Variants in BPIFC observed in about 807,000 individuals in gnomAD.
The protein encoded by BPIFC is BPI fold-containing family C protein.
In BPIFC, 60 loss-of-function variants were observed where a neutral mutation model predicts 57.6. The ratio of observed to expected loss-of-function variants is 1.04; its 90% CI spans 0.85 to 1.29. The LOEUF is 1.29. Among genes scored for constraint, BPIFC ranks in the 50% most tolerant of loss-of-function variants. The pLI is 0.00. For missense variants in BPIFC, 581 were observed against 600.5 expected (o/e 0.97, Z 0.34); for synonymous variants, 243 against 224.5 (o/e 1.08, Z -0.74).
At chr22:32,456,247 A>C (rs1237630770) in intron 3 of BPIFC, among the ~76,000 whole-genome samples, 1 of 152,202 alleles carries the variant, frequency 6.6e-6, no homozygotes. Context: ...ATACACATAC[A>C]TATATTCCTG....
chr22:32,451,031 C>T (rs2145958921), intron 4 of BPIFC, among the ~76,000 whole-genome samples: 1 of 152,248 alleles, frequency 6.6e-6, no homozygotes, highest in South Asian at 2.1e-4. Context: ...AATAAAAATG[C>T]ATTTCCTCAG....
intron 3 of BPIFC, among the ~76,000 whole-genome samples, chr22:32,453,913 T>C (rs1359342501): frequency 6.6e-6 from 1 of 151,262 alleles, no homozygotes; most frequent in Non-Finnish European, 1.5e-5. Flanking sequence ...AGATCCTGTC[T>C]CTACAAAAAC....
chr22:32,440,427 C>A (rs1934532157), intron 8 of BPIFC, among the ~76,000 whole-genome samples: 1 of 152,208 alleles, frequency 6.6e-6, no homozygotes, highest in South Asian at 2.1e-4. Context: ...CAGGAGTGAG[C>A]CACTGCGCCT....
At chr22:32,450,123 CACACACACACACACA>C (rs1317839266) in intron 4 of BPIFC, among the ~76,000 whole-genome samples, 5 of 86,708 alleles carry the variant, frequency 5.8e-5, no homozygotes, top group Non-Finnish European at 1.1e-4. Flanking sequence ...CACACACACA[CACACACACACACACA>C]CACATATATA....
chr22:32,429,313 T>C (rs556309977), intron 13 of BPIFC, among the ~76,000 whole-genome samples: 1 of 151,510 alleles, frequency 6.6e-6, no homozygotes, highest in East Asian at 2.0e-4. Flanking sequence ...TTCACGCCAT[T>C]GTCTTGCCTC....
intron 2 of BPIFC, among the ~76,000 whole-genome samples, chr22:32,459,531 C>T (rs1206293633): frequency 4.6e-5 from 7 of 151,926 alleles, no homozygotes; most frequent in East Asian, 1.9e-4. Flanking sequence ...GGTGTGGTGG[C>T]GGGCGCTTGT....
At chr22:32,448,766 C>T (rs1047990739) in intron 4 of BPIFC, among the ~76,000 whole-genome samples, 5 of 151,878 alleles carry the variant, frequency 3.3e-5, no homozygotes, top group African/African-American at 9.7e-5. Flanking sequence ...AGTGAAACCC[C>T]GTGTCTACTA....
chr22:32,417,061 C>G (rs368778265), intron 15 of BPIFC, 24 bp downstream of exon 15: 21 of 1,554,450 alleles, frequency 1.4e-5, no homozygotes, highest in Middle Eastern at 1.7e-4. Flanking sequence ...GTTACAGTCA[C>G]ATTGTTTTCC....
At chr22:32,448,029 G>T (rs951460964) in intron 4 of BPIFC, among the ~76,000 whole-genome samples, 2 of 151,602 alleles carry the variant, frequency 1.3e-5, no homozygotes. Flanking sequence ...CACGAAAGGG[G>T]TGATATTTGT....
intron 1 of BPIFC, among the ~76,000 whole-genome samples, chr22:32,462,453 T>C (rs1453914511): frequency 6.6e-6 from 1 of 152,088 alleles, no homozygotes; most frequent in Non-Finnish European, 1.5e-5. Flanking sequence ...TCATATATAA[T>C]ATAGAGCTCT....
intron 4 of BPIFC, among the ~76,000 whole-genome samples, chr22:32,450,271 T>TGCA (rs1934859468): frequency 6.6e-6 from 1 of 152,222 alleles, no homozygotes; most frequent in Non-Finnish European, 1.5e-5. Flanking sequence ...CAGTATTCAG[T>TGCA]GCAGTCTCAT....
At chr22:32,443,162 CTTTT>C (rs57447537) in intron 7 of BPIFC, among the ~76,000 whole-genome samples, 3 of 133,852 alleles carry the variant, frequency 2.2e-5, no homozygotes, top group Non-Finnish European at 1.6e-5. Context: ...AGAGCTGGAG[CTTTT>C]TTTTTTTTTT....
chr22:32,452,480 C>G (rs915985900), intron 4 of BPIFC, among the ~76,000 whole-genome samples: 1 of 150,032 alleles, frequency 6.7e-6, no homozygotes, highest in African/African-American at 2.5e-5. Flanking sequence ...ACTAAAAATA[C>G]AAAAAAAAAT....
intron 13 of BPIFC, among the ~76,000 whole-genome samples, chr22:32,430,729 C>T (rs1934216382): frequency 6.6e-6 from 1 of 151,808 alleles, no homozygotes; most frequent in Non-Finnish European, 1.5e-5. Flanking sequence ...TAATCTCAAA[C>T]TCCTGGGCTC....
At chr22:32,415,793 T>A (rs553774676) in intron 16 of BPIFC, 122 bp downstream of exon 16, 3 of 612,838 alleles carry the variant, frequency 4.9e-6, no homozygotes, top group South Asian at 4.9e-5. Context: ...GATTCCCTGG[T>A]CTGGGAAAAA....
rs376917264 is a variant in BPIFC, at chr22:32,441,932, A to G, written c.655+739T>C. 5.4e-4 allele frequency among the ~76,000 whole-genome samples: 83 copies of G among 152,302 alleles called. 1 individual carries two copies. The highest frequency in any genetic ancestry group is 1.9e-3 in the African/African-American group (80 of 41,562). ...CATGCAACCTAGATCCCTCGCATGCACGGTTCACAATAGGGTTCGCACTCC... is the reference window on the plus strand; with the variant it reads ...CATGCAACCTAGATCCCTCGCATGCGCGGTTCACAATAGGGTTCGCACTCC... On this transcript the variant is annotated intron_variant, in intron 8 of 16. Transcript: ENST00000300399.
At chr22:32,419,803 C>T (rs1418296175) in intron 13 of BPIFC, among the ~76,000 whole-genome samples, 1 of 102,380 alleles carries the variant, frequency 9.8e-6, no homozygotes, top group African/African-American at 3.7e-5. Context: ...GAGACCCTGT[C>T]AAAAAAAAAA....
At chr22:32,457,426 G>T (rs1935063282) in intron 2 of BPIFC, 40 bp from the exon 3 acceptor site, 1 of 1,582,610 alleles carries the variant, frequency 6.3e-7, no homozygotes, top group Non-Finnish European at 8.5e-7. Flanking sequence ...TATTATTCTT[G>T]ACTTTCTCTT....
intron 13 of BPIFC, among the ~76,000 whole-genome samples, chr22:32,422,578 G>A (rs764856468): frequency 6.6e-6 from 1 of 151,996 alleles, no homozygotes; most frequent in Non-Finnish European, 1.5e-5. Context: ...ATGGTGGCAC[G>A]TGCCAGTAAT....
Sources: gnomAD v4.1 joint callset for allele counts (sites outside exome capture counted in the v4.1 genomes callset) on GRCh38, gnomAD v4.1.1 for gene constraint, MANE v1.5 for transcripts, NCBI Gene and HGNC (gene_info 2026-07-23, HGNC 2026-07-21) for gene names.